Variants in MACROD2 observed in about 807,000 individuals in gnomAD.
The protein encoded by MACROD2 is mono-ADP ribosylhydrolase 2.
MACROD2 carries 36 observed loss-of-function variants against 70.4 expected under a neutral mutation model. The ratio of observed to expected loss-of-function variants is 0.51; its 90% CI spans 0.39 to 0.68. MACROD2 has a LOEUF of 0.68. MACROD2 is among the 30% of genes least tolerant of loss of function. The probability of loss-of-function intolerance (pLI) is 0.00; values close to 1 mark genes in which losing one functional copy is unlikely to be tolerated. For synonymous variants in MACROD2, 172 were observed against 178.8 expected, an observed-to-expected ratio of 0.96 and a Z score of 0.30; for missense variants, 496 against 538.4, an observed-to-expected ratio of 0.92 and a Z score of 0.78.
At chr20:14,169,823 C>T (rs976152144) in intron 3 of MACROD2, among the ~76,000 whole-genome samples, 2 of 151,964 alleles carry the variant, frequency 1.3e-5, no homozygotes, top group Non-Finnish European at 2.9e-5. Flanking sequence ...TTCATCTTTT[C>T]TTTATATAAT....
At chr20:14,962,780 T>C (rs1454512403) in intron 5 of MACROD2, among the ~76,000 whole-genome samples, 1 of 151,882 alleles carries the variant, frequency 6.6e-6, no homozygotes. Context: ...TCACCAATGC[T>C]CTTTCTCTCG....
chr20:15,918,333 T>C (rs887468711), intron 10 of MACROD2, among the ~76,000 whole-genome samples: 1 of 152,244 alleles, frequency 6.6e-6, no homozygotes, highest in Non-Finnish European at 1.5e-5. Flanking sequence ...TTGAAGAAAT[T>C]ATTTACTTGC....
At chr20:14,310,864 A>C (rs895987742) in intron 3 of MACROD2, among the ~76,000 whole-genome samples, 1 of 151,560 alleles carries the variant, frequency 6.6e-6, no homozygotes, top group Non-Finnish European at 1.5e-5. Context: ...AAATGAGTTA[A>C]TTTTTTTTTA....
intron 8 of MACROD2, among the ~76,000 whole-genome samples, chr20:15,728,483 C>T (rs771326032): frequency 2.0e-5 from 3 of 152,124 alleles, no homozygotes; most frequent in Non-Finnish European, 4.4e-5. Flanking sequence ...GGTACAAGCT[C>T]TTCTTTATAC....
chr20:15,317,814 A>C (rs1008542037), intron 6 of MACROD2, among the ~76,000 whole-genome samples: 1 of 152,006 alleles, frequency 6.6e-6, no homozygotes, highest in Admixed American at 6.6e-5. Flanking sequence ...TTGAAGCCCA[A>C]GCACATTAGG....
chr20:14,459,926 C>G (rs1022862246), intron 3 of MACROD2, among the ~76,000 whole-genome samples: 30 of 152,026 alleles, frequency 2.0e-4, no homozygotes, highest in Admixed American at 5.9e-4. Flanking sequence ...TTCTCTGTGT[C>G]TATGTATTTT....
In MACROD2 at chr20:14,051,636, A is replaced by G. The variant is rs114552665; in HGVS notation, c.164-33985A>G. Among the ~76,000 whole-genome samples the G allele has an allele frequency of 2.8e-3, 420 of 152,334 alleles. 4 individuals carry two copies. The highest frequency in any genetic ancestry group is 9.8e-3 in the African/African-American group (408 of 41,576). ...GGTTTACTAATAATAGTATCAACCCATCATCTTTTTTGGAATGAGTCAGCA... is the reference window on the plus strand; with the variant it reads ...GGTTTACTAATAATAGTATCAACCCGTCATCTTTTTTGGAATGAGTCAGCA... On this transcript the variant is annotated intron_variant, in intron 2 of 17. Coordinates refer to ENST00000684519, the MANE Select transcript of MACROD2 (RefSeq NM_001351661.2).
intron 3 of MACROD2, among the ~76,000 whole-genome samples, chr20:14,344,583 T>C (rs2083045989): frequency 6.6e-6 from 1 of 152,240 alleles, no homozygotes. Context: ...AGTGTATTCA[T>C]GCTGGAAATT....
At chr20:15,555,295 T>G (rs2048152008) in intron 8 of MACROD2, among the ~76,000 whole-genome samples, 1 of 152,190 alleles carries the variant, frequency 6.6e-6, no homozygotes, top group South Asian at 2.1e-4. Flanking sequence ...AATAGGGATG[T>G]GGAGAGTCAT....
intron 8 of MACROD2, among the ~76,000 whole-genome samples, chr20:15,736,585 G>T (rs2051024608): frequency 6.6e-6 from 1 of 151,642 alleles, no homozygotes; most frequent in African/African-American, 2.4e-5. Context: ...GGGTAAATGG[G>T]AGCAGATATA....
At chr20:14,960,425 A>G (rs2074573383) in intron 5 of MACROD2, among the ~76,000 whole-genome samples, 1 of 152,128 alleles carries the variant, frequency 6.6e-6, no homozygotes, top group Admixed American at 6.5e-5. Context: ...TTGAAATGTA[A>G]TGACTTAGTA....
chr20:14,735,558 G>T (rs2071653934), intron 5 of MACROD2, among the ~76,000 whole-genome samples: 2 of 152,134 alleles, frequency 1.3e-5, no homozygotes, highest in African/African-American at 4.8e-5. Context: ...ATATAAAGTG[G>T]TGCAACCAGG....
chr20:15,101,896 C>T (rs780715706), intron 5 of MACROD2, among the ~76,000 whole-genome samples: 1 of 151,728 alleles, frequency 6.6e-6, no homozygotes, highest in Non-Finnish European at 1.5e-5. Context: ...TTTATTTATT[C>T]GCTTTCTCCC....
intron 8 of MACROD2, among the ~76,000 whole-genome samples, chr20:15,582,623 T>G (rs2048541025): frequency 6.6e-6 from 1 of 152,202 alleles, no homozygotes; most frequent in South Asian, 2.1e-4. Context: ...GAATTCTACT[T>G]CTTTTATGTC....
At chr20:15,178,806 C>T (rs1408765239) in intron 5 of MACROD2, among the ~76,000 whole-genome samples, 1 of 152,190 alleles carries the variant, frequency 6.6e-6, no homozygotes, top group Non-Finnish European at 1.5e-5. Flanking sequence ...CCTGGCATTG[C>T]AATGTTCCAT....
intron 8 of MACROD2, among the ~76,000 whole-genome samples, chr20:15,629,597 C>A (rs910680557): frequency 1.3e-5 from 2 of 152,180 alleles, no homozygotes; most frequent in Non-Finnish European, 2.9e-5. Flanking sequence ...CATTCACTTG[C>A]CTTTGCTGTA....
intron 3 of MACROD2, among the ~76,000 whole-genome samples, chr20:14,238,751 A>G (rs1490793623): frequency 6.6e-6 from 1 of 151,980 alleles, no homozygotes; most frequent in Non-Finnish European, 1.5e-5. Flanking sequence ...CCTTCTGACC[A>G]GGCCCAGTGG....
chr20:15,675,319 C>T (rs764071901), intron 8 of MACROD2, among the ~76,000 whole-genome samples: 3 of 152,136 alleles, frequency 2.0e-5, no homozygotes, highest in African/African-American at 4.8e-5. Flanking sequence ...GAGCCAGCTG[C>T]GCATCATAAA....
At chr20:14,871,065 G>C (rs2073482550) in intron 5 of MACROD2, among the ~76,000 whole-genome samples, 2 of 152,094 alleles carry the variant, frequency 1.3e-5, no homozygotes, top group African/African-American at 2.4e-5. Context: ...GAAAGAGATA[G>C]GGGGAATGGA....
Sources: gnomAD v4.1 joint callset for allele counts (sites outside exome capture counted in the v4.1 genomes callset) on GRCh38, gnomAD v4.1.1 for gene constraint, MANE v1.5 for transcripts, NCBI Gene and HGNC (gene_info 2026-07-23, HGNC 2026-07-21) for gene names.